Variants in FTCD observed in about 807,000 individuals in gnomAD.
FTCD encodes the protein formimidoyltransferase-cyclodeaminase.
A neutral mutation model predicts 62.9 loss-of-function variants in FTCD; 76 were observed. The observed-to-expected ratio is 1.21, with a 90% CI of 1.00 to 1.46. The LOEUF (loss-of-function observed/expected upper bound fraction) is 1.46, where lower values mean the gene tolerates loss of function less well. Among genes scored for constraint, FTCD ranks in the 40% most tolerant of loss-of-function variants. The pLI is 0.00. For missense variants in FTCD, 845 were observed against 751.3 expected (o/e 1.12, Z -1.46); for synonymous variants, 397 against 336.9 (o/e 1.18, Z -1.95).
Position 46,138,934 on chromosome 21 carries a change from G to C in FTCD, c.1261-11C>G, listed in dbSNP as rs774217712. ...GAGCCTCATTGCTTCCTGCCATAAA[G>C]AGACAGAACCACTGGGCGAGGGACC... On this transcript the variant is annotated splice_polypyrimidine_tract_variant and intron_variant, in intron 10 of 13. Transcript: ENST00000397746. 3.7e-6 allele frequency: 6 copies of C among 1,610,510 alleles called. No homozygotes were observed. The South Asian group carries it at 5.5e-5, about 15-fold the overall frequency.
intron 7 of FTCD, 37 bp from the exon 8 acceptor site, chr21:46,146,364 C>G (rs1348683634): frequency 1.4e-6 from 2 of 1,438,064 alleles, no homozygotes; most frequent in South Asian, 2.4e-5. Context: ...GGCCTCGGCG[C>G]GTCTCCACCA....
At chr21:46,144,982 G>A (rs2079107470) in intron 10 of FTCD, among the ~76,000 whole-genome samples, 1 of 151,872 alleles carries the variant, frequency 6.6e-6, no homozygotes, top group Admixed American at 6.5e-5. Context: ...GTCTTATGCT[G>A]TGGCTGAAAC....
At chr21:46,146,556 A>G (rs7283985) in intron 7 of FTCD, 162 of 590,432 alleles carry the variant, frequency 2.7e-4, no homozygotes, top group African/African-American at 2.7e-3. Context: ...GGAAACAGCC[A>G]TCACCCTGAG....
At chr21:46,154,508 G>A (rs1357895492) in intron 1 of FTCD, among the ~76,000 whole-genome samples, 176 bp from the exon 2 acceptor site, 4 of 151,810 alleles carry the variant, frequency 2.6e-5, no homozygotes, top group East Asian at 1.9e-4. Context: ...GCGGCCGCCC[G>A]GGAACCCTCA....
Position 46,150,221 on chromosome 21 carries a change from C to G in FTCD, c.804G>C (p.Gln268His), listed in dbSNP as rs1418282331. 1.2e-6 allele frequency: 2 copies of G among 1,609,484 alleles called. No individual in the cohort carries two copies. The highest frequency in any genetic ancestry group is 3.4e-5 in the Admixed American group (2 of 59,602). Reference sequence around the variant, plus strand: ...CCTTCAGGGGCACCAGGCCCACCAGCTGTGAGCCCACCACTGGGAGGCTCA... The same window carrying G: ...CCTTCAGGGGCACCAGGCCCACCAGGTGTGAGCCCACCACTGGGAGGCTCA... ...QELSLPVVGSQLVGLVPLKAL... is the reference protein window; with the variant it reads ...QELSLPVVGSHLVGLVPLKAL... Residue 268 changes from glutamine to histidine, a missense_variant, in exon 7 of 14, where the codon CAG (glutamine) becomes CAC (histidine). Physicochemically the swap from Gln to His is conservative, Grantham distance 24. Coordinates refer to ENST00000397746, the MANE Select transcript of FTCD (RefSeq NM_206965.2).
Position 46,146,331 on chromosome 21 carries a change from GA to G in FTCD, c.907-5del. Reference sequence around the variant, plus strand: ...CCAGGCCCAGCCGGCTCACCACCTGGAAAAGGGGCTTGGAGTGGAAACGGCC... The same window carrying G: ...CCAGGCCCAGCCGGCTCACCACCTGGAAAGGGGCTTGGAGTGGAAACGGCC... On this transcript the variant is annotated splice_polypyrimidine_tract_variant and splice_region_variant and intron_variant, in intron 7 of 13. Coordinates refer to ENST00000397746, the MANE Select transcript of FTCD (RefSeq NM_206965.2). 1.3e-6 allele frequency: 2 copies of G among 1,596,126 alleles called. No individual in the cohort carries two copies. The highest frequency in any genetic ancestry group is 1.1e-5 in the South Asian group (1 of 88,594).
chr21:46,137,528 T>A (rs892713748), intron 12 of FTCD, among the ~76,000 whole-genome samples, 194 bp from the exon 13 acceptor site: 2 of 152,148 alleles, frequency 1.3e-5, no homozygotes, highest in Non-Finnish European at 2.9e-5. Context: ...CTTTCTCTTA[T>A]CCAAGCAGGG....
chr21:46,151,970 G>C lies in FTCD; in HGVS notation c.378C>G (p.Tyr126Ter), dbSNP rs374724805. Residue 126 changes from tyrosine to a stop codon, truncating the protein, a stop_gained, in exon 4 of 14, where the codon TAC (tyrosine) becomes TAG (stop). Coordinates refer to ENST00000397746, the MANE Select transcript of FTCD (RefSeq NM_206965.2). LOFTEE classifies it high-confidence loss of function. ...AEELDVPVYLYGEAARMDSRR... is the reference protein window; with the variant it reads ...AEELDVPVYL ...GACTGTCCATCCTGGCTGCCTCGCC[G>C]TACAGGTAAACTGCAGGAGAGCCCG... is the stretch of plus-strand genomic sequence containing the variant. 8.3e-6 allele frequency: 13 copies of C among 1,566,022 alleles called. No homozygotes were observed. Among genetic ancestry groups the C allele is most frequent in the Non-Finnish European group, 6.1e-6 (7 of 1,155,958 alleles).
At chr21:46,152,537 G>A (rs574916192) in intron 3 of FTCD, 1 of 211,126 alleles carries the variant, frequency 4.7e-6, no homozygotes, top group Admixed American at 5.4e-5. Flanking sequence ...GGAGCGCTGG[G>A]TTGGTGCAGC....
chr21:46,152,117 G>A (rs973218982), intron 3 of FTCD, 137 bp from the exon 4 acceptor site: 13 of 633,678 alleles, frequency 2.1e-5, no homozygotes, highest in Admixed American at 5.7e-5. Context: ...GGGAGTGCCC[G>A]TTCTCCGCCT....
intron 2 of FTCD, 96 bp downstream of exon 2, chr21:46,154,053 G>A: frequency 1.5e-6 from 2 of 1,327,970 alleles, no homozygotes; most frequent in South Asian, 2.3e-5. Flanking sequence ...TTCCAAGCCT[G>A]GGCCCCGGGC....
intron 10 of FTCD, chr21:46,139,184 T>G: frequency 3.7e-6 from 2 of 541,112 alleles, no homozygotes; most frequent in Non-Finnish European, 3.3e-6. Flanking sequence ...AGGGCCCTTA[T>G]TCTCAGCTAA....
chr21:46,154,378 A>G (rs1396695472), intron 1 of FTCD, 46 bp from the exon 2 acceptor site: 2 of 1,578,142 alleles, frequency 1.3e-6, no homozygotes, highest in Non-Finnish European at 1.7e-6. Flanking sequence ...CCCGTTTGAA[A>G]GAAGGAAAAG....
At position 46,136,818 on chromosome 21, in the gene FTCD, G is replaced by A. The variant is rs1425440166; in HGVS notation, c.*169C>T. 5 of 1,547,302 alleles carry A rather than the reference G, an allele frequency of 3.2e-6. No homozygotes were observed. In the East Asian group the frequency reaches 1.2e-4, roughly 38 times the overall value. On this transcript the variant is annotated 3_prime_UTR_variant, in exon 14 of 14. Coordinates refer to ENST00000397746, the MANE Select transcript of FTCD (RefSeq NM_206965.2). The stretch of plus-strand genomic sequence containing the variant: ...TTTACTGGAGGTCACATGGGACTAG[G>A]GGCCTTCTGTCCCTGCCAGCGCCTC...
chr21:46,138,754 G>A (rs1455135267), intron 11 of FTCD, 108 bp from the exon 12 acceptor site: 9 of 1,443,394 alleles, frequency 6.2e-6, no homozygotes, highest in African/African-American at 1.4e-5. Context: ...GCGATGGGAA[G>A]TCATTCCCAA....
intron 10 of FTCD, among the ~76,000 whole-genome samples, chr21:46,140,082 A>G (rs1162617986): frequency 6.6e-6 from 1 of 152,216 alleles, no homozygotes; most frequent in Non-Finnish European, 1.5e-5. Flanking sequence ...TATTTGGTGC[A>G]AGGTACAGAT....
intron 11 of FTCD, 112 bp downstream of exon 11, chr21:46,138,768 C>G: frequency 7.0e-7 from 1 of 1,426,740 alleles, no homozygotes. Context: ...TTCCCAAACA[C>G]CCAGCACGCC....
In FTCD at chr21:46,138,611, G is replaced by GCC; in HGVS notation, c.1338_1339dup (p.Ala447GlyfsTer7). ...CGCCAGCGTCAGCGGCACAGAGACT[G>GCC]CCCGCCTCAGACCCTCCTGTAGGGC... is the stretch of plus-strand genomic sequence containing the variant. On this transcript the variant is annotated frameshift_variant, in exon 12 of 14. Coordinates refer to ENST00000397746, the MANE Select transcript of FTCD (RefSeq NM_206965.2). LOFTEE classifies it high-confidence loss of function. The GCC allele has an allele frequency of 6.3e-7, 1 of 1,592,412 alleles. No individual in the cohort carries two copies. The highest frequency in any genetic ancestry group is 8.5e-7 in the Non-Finnish European group (1 of 1,176,474).
chr21:46,141,701 G>C (rs1335137606), intron 10 of FTCD, among the ~76,000 whole-genome samples: 3 of 149,650 alleles, frequency 2.0e-5, no homozygotes, highest in Admixed American at 6.6e-5. Context: ...CCAGAACAAG[G>C]CCTGCCTCCC....
Sources: allele counts gnomAD v4.1 joint callset (sites outside exome capture counted in the v4.1 genomes callset), GRCh38; gene constraint gnomAD v4.1.1; transcripts MANE v1.5; gene names NCBI Gene and HGNC (gene_info 2026-07-23, HGNC 2026-07-21).